Variants in ARID1B observed in about 807,000 individuals in gnomAD.
The protein encoded by ARID1B is AT-rich interaction domain 1B, also known as AT-rich interactive domain-containing protein 1B.
In ARID1B, 30 loss-of-function variants were observed where a neutral mutation model predicts 212.3. The observed-to-expected ratio is 0.14, with a 90% CI of 0.11 to 0.19. The LOEUF (loss-of-function observed/expected upper bound fraction) is 0.19. Ranked by LOEUF, ARID1B falls within the 10% of genes least tolerant of loss-of-function variation. The pLI is 1.00. For missense variants in ARID1B, 2,891 were observed against 3,204.0 expected (o/e 0.90, Z 2.36); for synonymous variants, 1,402 against 1,301.7 (o/e 1.08, Z -1.66).
intron 16 of ARID1B, among the ~76,000 whole-genome samples, chr6:157,197,634 T>TA (rs1793816207): frequency 6.6e-6 from 1 of 152,214 alleles, no homozygotes; most frequent in Non-Finnish European, 1.5e-5. Context: ...CAGTTAACCA[T>TA]AAGGTAACAT....
chr6:157,039,322 C>CTTTTTTTTTTTTTTTTTTTTTT lies in ARID1B; in HGVS notation c.2248-45321_2248-45320insTTTTTTTTTTTTTTTTTTTTTT, dbSNP rs1003131791. On this transcript the variant is annotated intron_variant, in intron 4 of 19. Coordinates refer to ENST00000636930, the MANE Select transcript of ARID1B (RefSeq NM_001374828.1). ...ATTAAAAATGGGAAATTTGACATTTCTTTTTTTTTTTTTTTTTTTGAGACG... is the reference window on the plus strand; with the variant it reads ...ATTAAAAATGGGAAATTTGACATTTCTTTTTTTTTTTTTTTTTTTTTTTTTTTTTTTTTTTTTTTTTGAGACG... Among the ~76,000 whole-genome samples, 52 of 102,946 alleles carry CTTTTTTTTTTTTTTTTTTTTTT rather than the reference C, an allele frequency of 5.1e-4. 11 individuals carry two copies. The highest frequency in any genetic ancestry group is 6.9e-4 in the Non-Finnish European group (35 of 50,932). The allele number at this position is 102,946 out of a possible 152,430, so 67.5% of individuals were successfully genotyped here.
At position 157,189,679 on chromosome 6, in the gene ARID1B, G is replaced by A. The variant is rs762767858; in HGVS notation, c.3957G>A (p.Gln1319=). 17 of 1,613,808 alleles carry A rather than the reference G, an allele frequency of 1.1e-5. No individual in the cohort carries two copies. In the South Asian group the frequency reaches 1.3e-4, roughly 13 times the overall value. The change falls in exon 14 of 20, where the codon CAG becomes CAA. Residue 1319 remains glutamine, a synonymous_variant. Coordinates refer to ENST00000636930, the MANE Select transcript of ARID1B (RefSeq NM_001374828.1). ...CCTTGCAAGGCCCACAGACCCCCCA[G>A]TCAACTGGCAGCAATTCCATGGCAG... ...SGSLQGPQTP[Q]STGSNSMAEV... is the part of the protein sequence containing the mutation.
chr6:157,171,543 A>T (rs1249941496), intron 9 of ARID1B, among the ~76,000 whole-genome samples: 1 of 152,218 alleles, frequency 6.6e-6, no homozygotes, highest in Non-Finnish European at 1.5e-5. Flanking sequence ...AATAGTAAAA[A>T]CCACAGTAAG....
chr6:156,871,006 A>T lies in ARID1B; in HGVS notation c.1987-30370A>T, dbSNP rs528581443. ...ATTTTCAAATATCTAGAACGTTTGGATTTCCTAGCATTATGCCTAAAAGAG... is the reference window on the plus strand; with the variant it reads ...ATTTTCAAATATCTAGAACGTTTGGTTTTCCTAGCATTATGCCTAAAAGAG... On this transcript the variant is annotated intron_variant, in intron 2 of 19. Transcript: ENST00000636930. Among the ~76,000 whole-genome samples the T allele has an allele frequency of 3.2e-4, 48 of 152,318 alleles. No individual in the cohort carries two copies. The South Asian group carries it at 9.3e-3, about 30-fold the overall frequency.
intron 2 of ARID1B, among the ~76,000 whole-genome samples, chr6:156,856,477 G>A (rs1367660973): frequency 6.6e-6 from 1 of 152,136 alleles, no homozygotes; most frequent in Admixed American, 6.6e-5. Context: ...GGCATGGAGA[G>A]ATTAAGTAAC....
intron 3 of ARID1B, among the ~76,000 whole-genome samples, chr6:156,917,551 G>A (rs1790457879): frequency 1.3e-5 from 2 of 152,194 alleles, no homozygotes; most frequent in Non-Finnish European, 2.9e-5. Context: ...AGACTTTGCT[G>A]GTGAGAGAAG....
At chr6:157,081,258 C>T (rs1198381632) in intron 4 of ARID1B, among the ~76,000 whole-genome samples, 2 of 152,166 alleles carry the variant, frequency 1.3e-5, no homozygotes, top group African/African-American at 4.8e-5. Flanking sequence ...TTACAGGCAT[C>T]ATAGATCTGA....
At chr6:157,054,090 G>A (rs577106148) in intron 4 of ARID1B, among the ~76,000 whole-genome samples, 117 of 152,278 alleles carry the variant, frequency 7.7e-4, no homozygotes, top group African/African-American at 2.7e-3. Context: ...CAGGCCTGGT[G>A]GTGCGTGCCT....
chr6:157,201,439 A>G lies in ARID1B; in HGVS notation c.5214A>G (p.Ala1738=), dbSNP rs2128376989. 1 of 1,535,990 alleles carries G rather than the reference A, an allele frequency of 6.5e-7. No homozygotes were observed. The highest frequency in any genetic ancestry group is 8.8e-7 in the Non-Finnish European group (1 of 1,139,964). Residue 1738 remains alanine (A), a synonymous_variant, in exon 18 of 20, where the codon GCA becomes GCG. Coordinates refer to ENST00000636930, the MANE Select transcript of ARID1B (RefSeq NM_001374828.1). This position sits in a 1 kb window ranked among gnomAD's most constrained non-coding sequence, Gnocchi z 5.2. ...EITFPPGSVE[A]SQPVLKQRRK... The stretch of plus-strand genomic sequence containing the variant: ...CCTTTCCTCCTGGCTCAGTAGAAGC[A>G]TCACAACCAGTCTTGAAACAAAGGC...
chr6:157,033,450 G>A (rs1781132593), intron 4 of ARID1B, among the ~76,000 whole-genome samples: 1 of 152,172 alleles, frequency 6.6e-6, no homozygotes, highest in Admixed American at 6.5e-5. Context: ...AATGCTGCTA[G>A]AATTAGTATA....
At chr6:157,205,971 T>G in intron 19 of ARID1B, 196 bp from the exon 20 acceptor site, 3 of 651,846 alleles carry the variant, frequency 4.6e-6, no homozygotes, top group Non-Finnish European at 8.1e-6. Context: ...TCGGTTTAGT[T>G]TATACTGTAA....
intron 4 of ARID1B, among the ~76,000 whole-genome samples, chr6:157,080,905 GA>G (rs1784596635): frequency 1.3e-5 from 2 of 152,194 alleles, no homozygotes; most frequent in Admixed American, 1.3e-4. Flanking sequence ...ATCGATAGTA[GA>G]AGTTAAGTTA....
chr6:157,127,633 G>A (rs565591011), intron 6 of ARID1B, among the ~76,000 whole-genome samples: 47 of 151,720 alleles, frequency 3.1e-4, no homozygotes, highest in Middle Eastern at 3.4e-3. Context: ...AAAATTAGCC[G>A]GGCATGGTGG....
chr6:157,187,011 G>T (rs1793023929), intron 13 of ARID1B, among the ~76,000 whole-genome samples: 1 of 152,214 alleles, frequency 6.6e-6, no homozygotes, highest in African/African-American at 2.4e-5. Flanking sequence ...TCTCACACCG[G>T]ATGTCTGGGT....
intron 2 of ARID1B, among the ~76,000 whole-genome samples, chr6:156,830,684 T>C (rs1783083522): frequency 6.6e-6 from 1 of 152,098 alleles, no homozygotes; most frequent in Admixed American, 6.5e-5. Context: ...TTCCAGCTAT[T>C]CGGGAGGCTG....
Position 157,201,349 on chromosome 6 carries a change from C to T in ARID1B, c.5124C>T (p.Pro1708=), listed in dbSNP as rs757908002. ...LPSMKMQKVM[P]TVPTSQVTGP... ...CTATGAAGATGCAGAAGGTCATGCCCACGGTCCCCACATCCCAGGTCACCG... is the reference window on the plus strand; with the variant it reads ...CTATGAAGATGCAGAAGGTCATGCCTACGGTCCCCACATCCCAGGTCACCG... The change falls in exon 18 of 20, where the codon CCC becomes CCT. Residue 1708 remains proline, a synonymous_variant. Coordinates refer to ENST00000636930, the MANE Select transcript of ARID1B (RefSeq NM_001374828.1). This position sits in a 1 kb window ranked among gnomAD's most constrained non-coding sequence, Gnocchi z 5.2. 3.1e-6 allele frequency: 5 copies of T among 1,613,538 alleles called. No individual in the cohort carries two copies. In the South Asian group the frequency reaches 4.4e-5, roughly 14 times the overall value.
At chr6:156,821,918 A>G (rs572067793) in intron 1 of ARID1B, among the ~76,000 whole-genome samples, 1 of 152,218 alleles carries the variant, frequency 6.6e-6, no homozygotes, top group African/African-American at 2.4e-5. Flanking sequence ...CTCTCCCCCA[A>G]CATTGCTAAT....
At chr6:156,874,782 A>G (rs1488456914) in intron 2 of ARID1B, among the ~76,000 whole-genome samples, 1 of 152,046 alleles carries the variant, frequency 6.6e-6, no homozygotes, top group Non-Finnish European at 1.5e-5. Flanking sequence ...TACTCCTCAA[A>G]ACTCCATTCC....
intron 3 of ARID1B, among the ~76,000 whole-genome samples, chr6:156,933,596 AT>A (rs1369536918): frequency 6.6e-6 from 1 of 152,162 alleles, no homozygotes; most frequent in Non-Finnish European, 1.5e-5. Flanking sequence ...TGGCAACCAG[AT>A]TGCAGAGCCA....
Sources: allele counts gnomAD v4.1 joint callset (sites outside exome capture counted in the v4.1 genomes callset), GRCh38; gene constraint gnomAD v4.1.1; non-coding constraint Gnocchi (gnomAD v3.1); transcripts MANE v1.5; gene names NCBI Gene and HGNC (gene_info 2026-07-23, HGNC 2026-07-21).